GPR149: variants seen among roughly 807,000 people sequenced by gnomAD.
The protein encoded by GPR149 is G protein-coupled receptor 149, also known as probable G protein-coupled receptor 149.
A neutral mutation model predicts 50.2 loss-of-function variants in GPR149; 50 were observed. The ratio of observed to expected loss-of-function variants is 1.00; its 90% CI spans 0.79 to 1.26. The LOEUF is 1.26. Ranked by LOEUF, GPR149 falls within the 50% of genes most tolerant of loss-of-function variation. The pLI is 0.00. For missense variants in GPR149, 983 were observed against 895.4 expected (o/e 1.10, Z -1.25); for synonymous variants, 405 against 358.2 (o/e 1.13, Z -1.48).
chr3:154,393,252 T>C (rs1412481368), intron 3 of GPR149, among the ~76,000 whole-genome samples: 1 of 151,970 alleles, frequency 6.6e-6, no homozygotes, highest in Non-Finnish European at 1.5e-5. Flanking sequence ...CTGCAATTTA[T>C]CCCTGGAAGG....
At chr3:154,348,123 G>A (rs774342884) in intron 3 of GPR149, among the ~76,000 whole-genome samples, 1 of 152,196 alleles carries the variant, frequency 6.6e-6, no homozygotes, top group African/African-American at 2.4e-5. Context: ...ATTATTGGAA[G>A]CTGAGTAAGA....
At chr3:154,392,642 G>C (rs1257684149) in intron 3 of GPR149, among the ~76,000 whole-genome samples, 3 of 151,124 alleles carry the variant, frequency 2.0e-5, no homozygotes, top group Non-Finnish European at 4.4e-5. Context: ...ACAAAAGTAA[G>C]AGTTTATTTT....
At chr3:154,373,333 A>G (rs1427125462) in intron 3 of GPR149, among the ~76,000 whole-genome samples, 1 of 152,192 alleles carries the variant, frequency 6.6e-6, no homozygotes, top group South Asian at 2.1e-4. Flanking sequence ...GGAACACAAG[A>G]TAAGCAATCA....
At chr3:154,413,799 G>A (rs1711908742) in intron 3 of GPR149, among the ~76,000 whole-genome samples, 1 of 151,828 alleles carries the variant, frequency 6.6e-6, no homozygotes, top group South Asian at 2.1e-4. Context: ...AATCTCACTA[G>A]AAGGTATCTA....
chr3:154,392,266 G>A lies in GPR149; in HGVS notation c.1623+28773C>T, dbSNP rs1022381809. Among the ~76,000 whole-genome samples, 8 of 151,776 alleles carry A rather than the reference G, an allele frequency of 5.3e-5. No homozygotes were observed. The East Asian group carries it at 1.4e-3, about 26-fold the overall frequency. ...GAAATCAGTAGCTGAAGAAAAACTG[G>A]AAAATTTGCAAAATGTGACAACTAA... is the stretch of plus-strand genomic sequence containing the variant. On this transcript the variant is annotated intron_variant, in intron 3 of 3. Coordinates refer to ENST00000389740, the MANE Select transcript of GPR149 (RefSeq NM_001038705.3).
chr3:154,423,297 G>A (rs1254324522), intron 2 of GPR149, among the ~76,000 whole-genome samples: 5 of 151,818 alleles, frequency 3.3e-5, no homozygotes, highest in African/African-American at 1.2e-4. Context: ...TTACACTGGA[G>A]AAAACGGGGG....
chr3:154,351,311 T>TGCAAAAAAAAAAAAAAAAAAAAAAAA (rs1341107044), intron 3 of GPR149, among the ~76,000 whole-genome samples: 1 of 19,680 alleles, frequency 5.1e-5, no homozygotes. Flanking sequence ...GACATCCACA[T>TGCAAAAAAAAAAAAAAAAAAAAAAAA]ACAAAAAAAA....
chr3:154,337,293 C>T lies in GPR149; in HGVS notation c.*406G>A, dbSNP rs1160035591. On this transcript the variant is annotated 3_prime_UTR_variant, in exon 4 of 4. Transcript: ENST00000389740. ...GGGGTTTTGTTACATTTCTTCCATTCCCAGAATTCCTCTTTTTTCCCCTTT... is the reference window on the plus strand; with the variant it reads ...GGGGTTTTGTTACATTTCTTCCATTTCCAGAATTCCTCTTTTTTCCCCTTT... 6.6e-6 allele frequency among the ~76,000 whole-genome samples: 1 copy of T among 152,148 alleles called. No individual in the cohort carries two copies. The highest frequency in any genetic ancestry group is 6.5e-5 in the Admixed American group (1 of 15,270).
At chr3:154,391,379 G>GAATA in intron 3 of GPR149, among the ~76,000 whole-genome samples, 1 of 151,872 alleles carries the variant, frequency 6.6e-6, no homozygotes, top group East Asian at 1.9e-4. Context: ...TTAAAGCTTA[G>GAATA]AATAAACTGT....
chr3:154,421,325 C>A lies in GPR149; in HGVS notation c.1337G>T (p.Arg446Leu). ...TACTTTTATAGCATTGAAGATGTTA[C>A]GGTTGTCTCTCTGAGGGTCTTTTGT... is the stretch of plus-strand genomic sequence containing the variant. ...ETTKDPQRDN[R>L]NIFNAIKVEI... The change falls in exon 3 of 4, where the codon CGT becomes CTT. Residue 446 changes from arginine (R) to leucine (L), a missense_variant. By Grantham distance (102) the Arg-to-Leu change is moderately radical. Coordinates refer to ENST00000389740, the MANE Select transcript of GPR149 (RefSeq NM_001038705.3). 1 of 1,613,242 alleles carries A rather than the reference C, an allele frequency of 6.2e-7. No individual in the cohort carries two copies. Among genetic ancestry groups the A allele is most frequent in the Non-Finnish European group, 8.5e-7 (1 of 1,179,440 alleles).
At chr3:154,370,113 C>T (rs1045354296) in intron 3 of GPR149, among the ~76,000 whole-genome samples, 4 of 152,174 alleles carry the variant, frequency 2.6e-5, no homozygotes, top group African/African-American at 4.8e-5. Flanking sequence ...AAAACCCCTC[C>T]GCTTTTCTAG....
At chr3:154,372,671 G>T (rs528179094) in intron 3 of GPR149, among the ~76,000 whole-genome samples, 1 of 152,310 alleles carries the variant, frequency 6.6e-6, no homozygotes, top group African/African-American at 2.4e-5. Flanking sequence ...CCAGTATGGA[G>T]GTCATGGAGA....
chr3:154,428,831 C>G lies in GPR149; in HGVS notation c.785G>C (p.Arg262Pro), dbSNP rs1238174734. ...SPEDAPGPSL[R>P]RSGGCSPSSD... ...GCTCGGAGAGCATCCCCCAGAGCGC[C>G]GCAGACTCGGGCCTGGAGCATCCTC... Residue 262 changes from arginine to proline, a missense_variant, in exon 1 of 4, where the codon CGG (arginine) becomes CCG (proline). By Grantham distance (103) the Arg-to-Pro change is moderately radical. Coordinates refer to ENST00000389740, the MANE Select transcript of GPR149 (RefSeq NM_001038705.3). The G allele has an allele frequency of 6.2e-7, 1 of 1,613,760 alleles. No individual in the cohort carries two copies. The highest frequency in any genetic ancestry group is 1.7e-5 in the Admixed American group (1 of 60,016).
At position 154,428,709 on chromosome 3, in the gene GPR149, T is replaced by G; in HGVS notation, c.907A>C (p.Thr303Pro). ...RGTLYGTRSF[T>P]VSVAQKRFAL... is the part of the protein sequence containing the mutation. Reference sequence around the variant, plus strand: ...AAGCGCTTCTGCGCTACGCTCACGGTGAAGCTCCTGGTGCCATAGAGAGTC... The same window carrying G: ...AAGCGCTTCTGCGCTACGCTCACGGGGAAGCTCCTGGTGCCATAGAGAGTC... The change falls in exon 1 of 4, where the codon ACC (threonine) becomes CCC (proline). Residue 303 changes from threonine (T) to proline (P), a missense_variant. Thr to Pro is a conservative substitution (Grantham distance 38, BLOSUM62 -1). Transcript: ENST00000389740. 6.2e-7 allele frequency: 1 copy of G among 1,614,094 alleles called. No individual in the cohort carries two copies. Among genetic ancestry groups the G allele is most frequent in the Non-Finnish European group, 8.5e-7 (1 of 1,180,026 alleles).
chr3:154,399,584 T>C (rs1461258560), intron 3 of GPR149, among the ~76,000 whole-genome samples: 2 of 152,196 alleles, frequency 1.3e-5, no homozygotes, highest in Non-Finnish European at 2.9e-5. Flanking sequence ...AAATTCAGTG[T>C]GGAACTTAAG....
chr3:154,429,081 G>T lies in GPR149; in HGVS notation c.535C>A (p.Pro179Thr). The change falls in exon 1 of 4, where the codon CCC (proline) becomes ACC (threonine). Residue 179 changes from proline to threonine, a missense_variant. Transcript: ENST00000389740. ...GAGCAGTCCACCAGGCAGCCCCAGG[G>T]CGTGCGCACGAAGGCGCCCCAGCCG... ...LCGWGAFVRT[P>T]WGCLVDCSSS... The T allele has an allele frequency of 6.2e-7, 1 of 1,613,774 alleles. No individual in the cohort carries two copies. The highest frequency in any genetic ancestry group is 8.5e-7 in the Non-Finnish European group (1 of 1,179,938).
intron 3 of GPR149, among the ~76,000 whole-genome samples, chr3:154,339,858 C>T (rs985091695): frequency 1.6e-5 from 2 of 126,948 alleles, no homozygotes; most frequent in Non-Finnish European, 1.6e-5. Flanking sequence ...GGCTCGATCT[C>T]GGTTCACTGC....
At chr3:154,379,538 T>C (rs1714869711) in intron 3 of GPR149, among the ~76,000 whole-genome samples, 1 of 152,160 alleles carries the variant, frequency 6.6e-6, no homozygotes, top group South Asian at 2.1e-4. Context: ...ACAGTAATTT[T>C]TTCCTAAATT....
intron 3 of GPR149, among the ~76,000 whole-genome samples, chr3:154,410,661 C>A (rs1711808470): frequency 1.3e-5 from 2 of 152,250 alleles, no homozygotes; most frequent in South Asian, 4.1e-4. Flanking sequence ...AATATACATG[C>A]ACCTAACACT....
Sources: gnomAD v4.1 joint callset for allele counts (sites outside exome capture counted in the v4.1 genomes callset) on GRCh38, gnomAD v4.1.1 for gene constraint, MANE v1.5 for transcripts, NCBI Gene and HGNC (gene_info 2026-07-23, HGNC 2026-07-21) for gene names.